ADNP2: variants seen among roughly 807,000 people sequenced by gnomAD.
The protein encoded by ADNP2 is ADNP homeobox 2.
In ADNP2, 8 loss-of-function variants were observed where a neutral mutation model predicts 16.4. The observed-to-expected ratio is 0.49, with a 90% CI of 0.29 to 0.88. The LOEUF (loss-of-function observed/expected upper bound fraction) is 0.88. ADNP2 is among the 40% of genes least tolerant of loss of function. ADNP2 has a pLI of 0.09. For synonymous variants in ADNP2, 637 were observed against 545.8 expected (o/e 1.17, Z -2.33); for missense variants, 1,397 against 1,395.1 (o/e 1.00, Z -0.02).
chr18:80,130,268 A>G (rs1394154468), intron 2 of ADNP2, among the ~76,000 whole-genome samples: 1 of 152,158 alleles, frequency 6.6e-6, no homozygotes, highest in Non-Finnish European at 1.5e-5. Context: ...ATTTGTACTT[A>G]TACTTTTCTG....
At chr18:80,126,420 T>C (rs534105361) in intron 2 of ADNP2, among the ~76,000 whole-genome samples, 76 of 152,370 alleles carry the variant, frequency 5.0e-4, no homozygotes, top group African/African-American at 1.5e-3. Flanking sequence ...AGTCATTTCC[T>C]CTGCCTCCTG....
At chr18:80,124,642 GATTAA>G (rs1163802481) in intron 2 of ADNP2, among the ~76,000 whole-genome samples, 15 of 152,150 alleles carry the variant, frequency 9.9e-5, no homozygotes, top group Middle Eastern at 3.4e-3. Flanking sequence ...AGGCATGATT[GATTAA>G]ATCATCTTAA....
intron 2 of ADNP2, among the ~76,000 whole-genome samples, chr18:80,128,881 A>C (rs1411723535): frequency 6.6e-6 from 1 of 152,136 alleles, no homozygotes; most frequent in African/African-American, 2.4e-5. Context: ...AATGAAATTT[A>C]AAATGCCACA....
chr18:80,117,434 A>T, intron 1 of ADNP2, 96 bp from the exon 2 acceptor site: 1 of 652,738 alleles, frequency 1.5e-6, no homozygotes, highest in Non-Finnish European at 2.4e-6. Context: ...TGAAAATTAT[A>T]CTCTATTCCT....
intron 2 of ADNP2, among the ~76,000 whole-genome samples, chr18:80,128,493 T>G (rs893882996): frequency 3.9e-5 from 6 of 151,974 alleles, no homozygotes; most frequent in African/African-American, 1.2e-4. Flanking sequence ...CTACTAAAAA[T>G]ACAAAAATTA....
In ADNP2 at chr18:80,135,660, A is replaced by G. The variant is rs1249588061; in HGVS notation, c.247A>G (p.Lys83Glu). ...YCCGLCKYSTKVLTSFKNHLH... is the reference protein window; with the variant it reads ...YCCGLCKYSTEVLTSFKNHLH... ...TTGTGGCCTCTGTAAATACTCTACA[A>G]AGGTGCTTACTTCATTCAAGAATCA... The change falls in exon 4 of 4, where the codon AAG becomes GAG. Residue 83 changes from lysine to glutamate, a missense_variant. Physicochemically the swap from Lys to Glu is moderately conservative, Grantham distance 56. Transcript: ENST00000262198. 5.0e-6 allele frequency: 8 copies of G among 1,614,204 alleles called. No homozygotes were observed. The highest frequency in any genetic ancestry group is 6.8e-6 in the Non-Finnish European group (8 of 1,180,032).
In ADNP2 at chr18:80,137,088, C is replaced by A. The variant is rs1437825270; in HGVS notation, c.1675C>A (p.Pro559Thr). ...VVSGVLPVGQ[P>T]VRPGVLQLNQ... Reference sequence around the variant, plus strand: ...GTCGGGAGTTCTTCCTGTGGGCCAGCCAGTGAGGCCTGGGGTCTTGCAACT... The same window carrying A: ...GTCGGGAGTTCTTCCTGTGGGCCAGACAGTGAGGCCTGGGGTCTTGCAACT... Residue 559 changes from proline (P) to threonine (T), a missense_variant, in exon 4 of 4, where the codon CCA becomes ACA. Physicochemically the swap from Pro to Thr is conservative, Grantham distance 38. Coordinates refer to ENST00000262198, the MANE Select transcript of ADNP2 (RefSeq NM_014913.4). This position sits in a 1 kb window ranked among gnomAD's most constrained non-coding sequence, Gnocchi z 4.2. 4 of 1,614,124 alleles carry A rather than the reference C, an allele frequency of 2.5e-6. No individual in the cohort carries two copies. Among genetic ancestry groups the A allele is most frequent in the Non-Finnish European group, 3.4e-6 (4 of 1,180,020 alleles).
chr18:80,134,942 A>C lies in ADNP2; in HGVS notation c.199-670A>C, dbSNP rs142332926. ...GTAGAAAGATAGTAATGATGGGTTT[A>C]ACATTTTGAAAGCTAGGTTAGTTAT... On this transcript the variant is annotated intron_variant, in intron 3 of 3. Transcript: ENST00000262198. Among the ~76,000 whole-genome samples, 42 of 152,344 alleles carry C rather than the reference A, an allele frequency of 2.8e-4. No individual in the cohort carries two copies. In the East Asian group the frequency reaches 8.1e-3, roughly 29 times the overall value.
At position 80,112,956 on chromosome 18, in the gene ADNP2, G is replaced by C. The variant is rs546133068; in HGVS notation, c.-14+3484G>C. 6.6e-4 allele frequency among the ~76,000 whole-genome samples: 100 copies of C among 152,340 alleles called. 1 individual carries two copies. The highest frequency in any genetic ancestry group is 2.4e-3 in the African/African-American group (100 of 41,572). The stretch of plus-strand genomic sequence containing the variant: ...TTGGAGAAGAACCCCAGAGGATAGA[G>C]AGGATAGTGGAACTTTAAGGAGGAA... On this transcript the variant is annotated intron_variant, in intron 1 of 3. Transcript: ENST00000262198.
intron 2 of ADNP2, among the ~76,000 whole-genome samples, chr18:80,131,567 TTC>T (rs67237919): frequency 0.25 from 28,744 of 115,740 alleles, 3,230 homozygotes; most frequent in African/African-American, 0.4. Flanking sequence ...AAGATGAAGA[TTC>T]TTTTTTTTTT....
rs2052428669 is a variant in ADNP2 at position 80,122,045 on chromosome 18, G to T, written c.108+4395G>T. ...AGTGATTCTCTTGCCTCAGCCTCTC[G>T]AGTAGCTGAGATTACAGGTGCCTAC... On this transcript the variant is annotated intron_variant, in intron 2 of 3. Coordinates refer to ENST00000262198, the MANE Select transcript of ADNP2 (RefSeq NM_014913.4). Among the ~76,000 whole-genome samples, 6 of 151,902 alleles carry T rather than the reference G, an allele frequency of 3.9e-5. No homozygotes were observed. The South Asian group carries it at 8.3e-4, about 21-fold the overall frequency.
At position 80,117,560 on chromosome 18, in the gene ADNP2, G is replaced by A. The variant is rs746644866; in HGVS notation, c.18G>A (p.Val6=). The A allele has an allele frequency of 3.8e-6, 6 of 1,590,644 alleles. No homozygotes were observed. Among genetic ancestry groups the A allele is most frequent in the Non-Finnish European group, 4.3e-6 (5 of 1,172,996 alleles). Residue 6 remains valine, a synonymous_variant, in exon 2 of 4, where the codon GTG becomes GTA. Coordinates refer to ENST00000262198, the MANE Select transcript of ADNP2 (RefSeq NM_014913.4). ...TTTCAAAAATGTTTCAAATTCCTGT[G>A]GAAAATCTTGACAACATCAGAAAGG... is the stretch of plus-strand genomic sequence containing the variant. MFQIP[V]ENLDNIRKVR... is the part of the protein sequence containing the mutation.
Position 80,136,997 on chromosome 18 carries a change from C to A in ADNP2, c.1584C>A (p.Ser528=). The change falls in exon 4 of 4, where the codon TCC becomes TCA. Residue 528 remains serine (S), a synonymous_variant. Transcript: ENST00000262198. The part of the protein sequence containing the change: ...GLLSPNQTVS[S]SAVVPVNQGV... ...TTTCTCCCAACCAGACAGTCTCCTCCTCAGCTGTTGTGCCTGTAAACCAGG... is the reference window on the plus strand; with the variant it reads ...TTTCTCCCAACCAGACAGTCTCCTCATCAGCTGTTGTGCCTGTAAACCAGG... The A allele has an allele frequency of 1.2e-6, 2 of 1,614,110 alleles. No homozygotes were observed. The highest frequency in any genetic ancestry group is 2.7e-5 in the African/African-American group (2 of 75,042).
intron 1 of ADNP2, among the ~76,000 whole-genome samples, chr18:80,115,267 A>G (rs1599803689): frequency 6.6e-6 from 1 of 152,308 alleles, no homozygotes; most frequent in Admixed American, 6.5e-5. Context: ...GACATGCCTC[A>G]TTGAGCAACT....
intron 2 of ADNP2, among the ~76,000 whole-genome samples, chr18:80,119,790 A>G (rs1279525416): frequency 6.6e-6 from 1 of 152,224 alleles, no homozygotes; most frequent in Non-Finnish European, 1.5e-5. Context: ...TGGATCTGGG[A>G]TGGGCGAGGG....
In ADNP2 at chr18:80,137,855, C is replaced by T. The variant is rs377368948; in HGVS notation, c.2442C>T (p.Ala814=). The T allele has an allele frequency of 3.7e-5, 60 of 1,613,928 alleles. No homozygotes were observed. Among genetic ancestry groups the T allele is most frequent in the Non-Finnish European group, 4.8e-5 (57 of 1,180,038 alleles). Residue 814 remains alanine, a synonymous_variant, in exon 4 of 4, where the codon GCC becomes GCT. Coordinates refer to ENST00000262198, the MANE Select transcript of ADNP2 (RefSeq NM_014913.4). This position sits in a 1 kb window ranked among gnomAD's most constrained non-coding sequence, Gnocchi z 4.2. ...SNRGFQLDVD[A]NGNLLFPHLD... ...GAGGTTTTCAATTAGATGTCGATGC[C>T]AATGGCAACCTGCTCTTTCCCCACC...
Position 80,138,421 on chromosome 18 carries a change from A to G in ADNP2, c.3008A>G (p.Asp1003Gly), listed in dbSNP as rs956866568. 5.0e-6 allele frequency: 8 copies of G among 1,613,976 alleles called. No individual in the cohort carries two copies. The Admixed American group carries it at 5.0e-5, about 10-fold the overall frequency. The change falls in exon 4 of 4, where the codon GAT becomes GGT. Residue 1003 changes from aspartate (D) to glycine (G), a missense_variant. This residue lies in a region of ADNP2 where 611 missense variants were observed against 648.7 expected (regional missense o/e 0.94). Coordinates refer to ENST00000262198, the MANE Select transcript of ADNP2 (RefSeq NM_014913.4). The stretch of plus-strand genomic sequence containing the variant: ...GAGCAGCCTCCCATCCTAAATGCCG[A>G]TGCAGCCCCGGGTCCAGAAAAGGTG... ...GEEQPPILNA[D>G]AAPGPEKVTS...
chr18:80,134,064 C>G (rs1312562934), intron 3 of ADNP2, among the ~76,000 whole-genome samples: 1 of 152,128 alleles, frequency 6.6e-6, no homozygotes, highest in Non-Finnish European at 1.5e-5. Flanking sequence ...TGACCTGACA[C>G]TCTCCTCTCT....
At chr18:80,128,210 G>C (rs1410337553) in intron 2 of ADNP2, among the ~76,000 whole-genome samples, 2 of 152,178 alleles carry the variant, frequency 1.3e-5, no homozygotes, top group African/African-American at 2.4e-5. Context: ...TGTACTGACA[G>C]TTCCTTTGTG....
Sources: allele counts gnomAD v4.1 joint callset (sites outside exome capture counted in the v4.1 genomes callset), GRCh38; gene constraint gnomAD v4.1.1; regional missense constraint gnomAD v4.1.1; non-coding constraint Gnocchi (gnomAD v3.1); transcripts MANE v1.5; gene names NCBI Gene and HGNC (gene_info 2026-07-23, HGNC 2026-07-21).